Variants in PTPRG observed in about 807,000 individuals in gnomAD.
The protein encoded by PTPRG is receptor-type tyrosine-protein phosphatase gamma.
PTPRG carries 102 observed loss-of-function variants against 165.3 expected under a neutral mutation model. That is an observed-to-expected ratio of 0.62 (90% CI 0.53 to 0.73). The LOEUF (loss-of-function observed/expected upper bound fraction) is 0.73. Among genes scored for constraint, PTPRG ranks in the 30% least tolerant of loss-of-function variants. The pLI, the probability that PTPRG is intolerant of heterozygous loss-of-function variation, is 0.00. For synonymous variants in PTPRG, 675 were observed against 669.5 expected, an observed-to-expected ratio of 1.01 and a Z score of -0.13; for missense variants, 1,866 against 1,861.4, an observed-to-expected ratio of 1.00 and a Z score of -0.05.
At chr3:62,098,075 T>C (rs1457920333) in intron 5 of PTPRG, among the ~76,000 whole-genome samples, 1 of 152,190 alleles carries the variant, frequency 6.6e-6, no homozygotes, top group Admixed American at 6.5e-5. Flanking sequence ...ATTGCATGAC[T>C]GATAAAAGAA....
At chr3:62,092,688 A>G (rs959683583) in intron 5 of PTPRG, among the ~76,000 whole-genome samples, 1 of 152,208 alleles carries the variant, frequency 6.6e-6, no homozygotes, top group Non-Finnish European at 1.5e-5. Flanking sequence ...AGGACCAGTA[A>G]TAAGAGACCT....
At chr3:61,888,881 A>G (rs1437524164) in intron 2 of PTPRG, among the ~76,000 whole-genome samples, 2 of 152,188 alleles carry the variant, frequency 1.3e-5, no homozygotes, top group Non-Finnish European at 2.9e-5. Context: ...GACATTTTGA[A>G]GAGTATATGG....
rs1211663429 is a variant in PTPRG, at chr3:62,219,930, T to A, written c.2288+947T>A. Among the ~76,000 whole-genome samples, 3 of 152,152 alleles carry A rather than the reference T, an allele frequency of 2.0e-5. No individual in the cohort carries two copies. The highest frequency in any genetic ancestry group is 4.4e-5 in the Non-Finnish European group (3 of 68,020). On this transcript the variant is annotated intron_variant, in intron 13 of 29. Transcript: ENST00000474889. This position sits in a 1 kb window ranked among gnomAD's most constrained non-coding sequence, Gnocchi z 4.5. ...TTCTAAGATGGTGGTAACTGGATAA[T>A]GGAGAAAGCTTAAATCTGGAAAGGG...
At chr3:61,922,411 G>T (rs1241150084) in intron 2 of PTPRG, among the ~76,000 whole-genome samples, 1 of 152,238 alleles carries the variant, frequency 6.6e-6, no homozygotes, top group Non-Finnish European at 1.5e-5. Flanking sequence ...GCTGGCAATA[G>T]TAGCAGAGAT....
Position 62,290,576 on chromosome 3 carries a change from T to A in PTPRG, c.4056-1845T>A, listed in dbSNP as rs1188101698. On this transcript the variant is annotated intron_variant, in intron 28 of 29. Coordinates refer to ENST00000474889, the MANE Select transcript of PTPRG (RefSeq NM_002841.4). ...GATACACGTGGGGAGGTACAAAAAA[T>A]AGACAAACAGAATAAAAGGTCAAAA... 2.0e-5 allele frequency among the ~76,000 whole-genome samples: 3 copies of A among 151,976 alleles called. No individual in the cohort carries two copies. In the South Asian group the frequency reaches 6.2e-4, roughly 32 times the overall value.
intron 2 of PTPRG, among the ~76,000 whole-genome samples, chr3:61,756,927 A>C (rs542127552): frequency 7.2e-5 from 11 of 152,168 alleles, no homozygotes; most frequent in Non-Finnish European, 1.6e-4. Context: ...TTTTGGCAAT[A>C]TCTGTGAAAA....
In PTPRG at chr3:62,066,934, A is replaced by G. The variant is rs574344364; in HGVS notation, c.520-11229A>G. On this transcript the variant is annotated intron_variant, in intron 4 of 29. Transcript: ENST00000474889. ...GTGCCTGTAATCCCAGCTACTCAGG[A>G]GGCGGAGGCAGGAGAATCACCTGGA... 2.7e-5 allele frequency among the ~76,000 whole-genome samples: 4 copies of G among 150,260 alleles called. No homozygotes were observed. The Admixed American group carries it at 2.7e-4, about 10-fold the overall frequency.
rs900524227 is a variant in PTPRG, at chr3:62,252,635, C to T, written c.2468-2489C>T. On this transcript the variant is annotated intron_variant, in intron 15 of 29. Transcript: ENST00000474889. The surrounding 1 kb of genome is among the most constrained non-coding windows in gnomAD (Gnocchi z 4.6). Reference sequence around the variant, plus strand: ...CTCTGATGCTGTCCTAATTGCTTGGCCTTCTGCTAGTTACATTGATTTTAT... The same window carrying T: ...CTCTGATGCTGTCCTAATTGCTTGGTCTTCTGCTAGTTACATTGATTTTAT... Among the ~76,000 whole-genome samples, 1 of 152,080 alleles carries T rather than the reference C, an allele frequency of 6.6e-6. No homozygotes were observed. The highest frequency in any genetic ancestry group is 2.4e-5 in the African/African-American group (1 of 41,412).
intron 1 of PTPRG, among the ~76,000 whole-genome samples, chr3:61,668,684 A>T (rs914909399): frequency 2.6e-5 from 4 of 152,180 alleles, no homozygotes; most frequent in Non-Finnish European, 5.9e-5. Flanking sequence ...TTTTTTTTAA[A>T]AAAGGTTACT....
chr3:62,236,886 GTGGGTGTACGTGT>G (rs1701045353), intron 14 of PTPRG, among the ~76,000 whole-genome samples: 1 of 152,186 alleles, frequency 6.6e-6, no homozygotes, highest in Non-Finnish European at 1.5e-5. Flanking sequence ...GCTTCTCAGA[GTGGGTGTACGTGT>G]TGACCCAGAT....
chr3:61,723,485 C>T (rs1026941518), intron 1 of PTPRG, among the ~76,000 whole-genome samples: 8 of 152,036 alleles, frequency 5.3e-5, no homozygotes, highest in Non-Finnish European at 1.2e-4. Context: ...TATATTTTCT[C>T]ATGTTACGAG....
rs1012358318 is a variant in PTPRG at position 62,214,630 on chromosome 3, A to G, written c.2156-4221A>G. Among the ~76,000 whole-genome samples, 2 of 152,316 alleles carry G rather than the reference A, an allele frequency of 1.3e-5. No individual in the cohort carries two copies. Among genetic ancestry groups the G allele is most frequent in the East Asian group, 1.9e-4 (1 of 5,178 alleles). Reference sequence around the variant, plus strand: ...AACAAAAGAGCGATTATAATTGAGTATGATGTGTGCAGTAAGAGCAACACA... The same window carrying G: ...AACAAAAGAGCGATTATAATTGAGTGTGATGTGTGCAGTAAGAGCAACACA... On this transcript the variant is annotated intron_variant, in intron 12 of 29. Transcript: ENST00000474889. The surrounding 1 kb of genome is among the most constrained non-coding windows in gnomAD (Gnocchi z 5.2).
At chr3:61,728,215 C>T (rs1206843781) in intron 1 of PTPRG, among the ~76,000 whole-genome samples, 1 of 152,202 alleles carries the variant, frequency 6.6e-6, no homozygotes, top group Non-Finnish European at 1.5e-5. Flanking sequence ...CATGCCTCTG[C>T]ACACACCCGT....
intron 12 of PTPRG, among the ~76,000 whole-genome samples, chr3:62,207,271 A>T (rs140815106): frequency 6.6e-6 from 1 of 152,366 alleles, no homozygotes; most frequent in East Asian, 1.9e-4. Context: ...TTGCAGAAAC[A>T]GGCGATGGGT....
intron 2 of PTPRG, among the ~76,000 whole-genome samples, chr3:61,862,786 C>G (rs937179554): frequency 1.3e-5 from 2 of 152,134 alleles, no homozygotes; most frequent in East Asian, 1.9e-4. Context: ...AAATCTATTT[C>G]AGGGAGTTCT....
chr3:61,572,111 A>T (rs1277072891), intron 1 of PTPRG, among the ~76,000 whole-genome samples: 1 of 152,154 alleles, frequency 6.6e-6, no homozygotes, highest in African/African-American at 2.4e-5. Flanking sequence ...TTTTCCTGTG[A>T]GGGTTTGCTT....
At chr3:62,184,145 C>T (rs1056405814) in intron 8 of PTPRG, among the ~76,000 whole-genome samples, 9 of 152,154 alleles carry the variant, frequency 5.9e-5, no homozygotes, top group Admixed American at 3.3e-4. Context: ...CTCTCGGATT[C>T]GGTTATGCGT....
rs572291736 is a variant in PTPRG, at chr3:61,624,625, T to C, written c.85+62253T>C. ...ATATGAAAGAAAATTAACCCTTATA[T>C]GTTTAAGCCTCTGATAGCAGCAGCA... On this transcript the variant is annotated intron_variant, in intron 1 of 29. Transcript: ENST00000474889. Among the ~76,000 whole-genome samples, 3 of 152,264 alleles carry C rather than the reference T, an allele frequency of 2.0e-5. No homozygotes were observed. The East Asian group carries it at 5.8e-4, about 29-fold the overall frequency.
At chr3:62,140,520 C>T (rs1372482700) in intron 6 of PTPRG, among the ~76,000 whole-genome samples, 3 of 152,070 alleles carry the variant, frequency 2.0e-5, no homozygotes, top group African/African-American at 7.2e-5. Context: ...GGTCCATCCA[C>T]AAAATTAATC....
Sources: allele counts gnomAD v4.1 joint callset (sites outside exome capture counted in the v4.1 genomes callset), GRCh38; gene constraint gnomAD v4.1.1; non-coding constraint Gnocchi (gnomAD v3.1); transcripts MANE v1.5; gene names NCBI Gene and HGNC (gene_info 2026-07-23, HGNC 2026-07-21).